The following ARNT variants were observed in gnomAD, a reference collection of about 807,000 sequenced individuals.
The protein encoded by ARNT is aryl hydrocarbon receptor nuclear translocator, also known as class E basic helix-loop-helix protein 2.
Under a neutral mutation model 105.0 loss-of-function variants are expected in ARNT, and 30 were observed. The ratio of observed to expected loss-of-function variants is 0.29; its 90% confidence interval spans 0.21 to 0.39. The LOEUF (loss-of-function observed/expected upper bound fraction) is 0.39, where lower values mean the gene tolerates loss of function less well. ARNT is among the 10% of genes least tolerant of loss of function. The probability of loss-of-function intolerance (pLI) is 1.00; values close to 1 mark genes in which losing one functional copy is unlikely to be tolerated. For synonymous variants in ARNT, 304 were observed against 344.0 expected (o/e 0.88, Z 1.29); for missense variants, 748 against 978.7 (o/e 0.76, Z 3.15).
intron 1 of ARNT, among the ~76,000 whole-genome samples, chr1:150,863,172 A>G (rs1032187771): frequency 9.2e-5 from 14 of 151,756 alleles, no homozygotes; most frequent in African/African-American, 3.1e-4. Flanking sequence ...GACCAGCCTG[A>G]CCAACACGGC....
At position 150,810,926 on chromosome 1, in the gene ARNT, T is replaced by C. The variant is rs1452183994; in HGVS notation, c.*1095A>G. Reference sequence around the variant, plus strand: ...TGAGTATGGGATGAAAGAGGCTACTTTGCAAGAGGGCTTCGTATTTGGTTT... The same window carrying C: ...TGAGTATGGGATGAAAGAGGCTACTCTGCAAGAGGGCTTCGTATTTGGTTT... On this transcript the variant is annotated 3_prime_UTR_variant, in exon 22 of 22. Coordinates refer to ENST00000358595, the MANE Select transcript of ARNT (RefSeq NM_001668.4). The C allele has an allele frequency of 8.8e-6, 2 of 227,488 alleles. No individual in the cohort carries two copies. The highest frequency in any genetic ancestry group is 4.4e-5 in the African/African-American group (2 of 44,994). 14.1% of individuals were successfully genotyped at this position (227,488 alleles called of 1,614,324 possible).
chr1:150,861,889 T>C (rs587720614), intron 1 of ARNT, among the ~76,000 whole-genome samples: 41 of 152,330 alleles, frequency 2.7e-4, no homozygotes, highest in African/African-American at 9.4e-4. Flanking sequence ...TATTATAAAG[T>C]AGAATTTAAG....
intron 7 of ARNT, 120 bp downstream of exon 7, chr1:150,836,160 G>A (rs587768944): frequency 5.6e-6 from 5 of 884,988 alleles, no homozygotes; most frequent in Non-Finnish European, 8.5e-6. Context: ...CATTAAAGTA[G>A]AAAATTCTTG....
intron 10 of ARNT, among the ~76,000 whole-genome samples, chr1:150,830,782 CCT>C (rs1553209744): frequency 1.2e-4 from 18 of 152,248 alleles, no homozygotes; most frequent in South Asian, 2.1e-4. Flanking sequence ...GCATTTCTCC[CCT>C]GTTTTTTGCA....
chr1:150,817,555 C>A, intron 15 of ARNT, 122 bp from the exon 16 acceptor site: 1 of 926,250 alleles, frequency 1.1e-6, no homozygotes, highest in Admixed American at 2.4e-5. Context: ...TGCCTGTAAT[C>A]CCAACACTTT....
rs1244283293 is a variant in ARNT, at chr1:150,832,391, C to T, written c.812G>A (p.Ser271Asn). Reference sequence around the variant, plus strand: ...CACAGAAACTGGGTCCACAGAGCTACTGCCACACCTGTTTCAAGGAATAAA... The same window carrying T: ...CACAGAAACTGGGTCCACAGAGCTATTGCCACACCTGTTTCAAGGAATAAA... ...RSFICRMRCG[S>N]SSVDPVSVNR... Residue 271 changes from serine to asparagine, a missense_variant, in exon 9 of 22, where the codon AGT becomes AAT. By Grantham distance (46) the Ser-to-Asn change is conservative. Coordinates refer to ENST00000358595, the MANE Select transcript of ARNT (RefSeq NM_001668.4). 4 of 1,614,146 alleles carry T rather than the reference C, an allele frequency of 2.5e-6. No individual in the cohort carries two copies. Among genetic ancestry groups the T allele is most frequent in the East Asian group, 2.2e-5 (1 of 44,884 alleles).
At chr1:150,823,137 T>A in intron 14 of ARNT, 57 bp downstream of exon 14, 1 of 1,418,190 alleles carries the variant, frequency 7.1e-7, no homozygotes, top group Non-Finnish European at 9.4e-7. Context: ...TCAGAAGTGT[T>A]TTCTGTTGTG....
At chr1:150,851,331 G>A (rs1205425958) in intron 3 of ARNT, among the ~76,000 whole-genome samples, 2 of 151,886 alleles carry the variant, frequency 1.3e-5, no homozygotes, top group Admixed American at 6.6e-5. Flanking sequence ...GAGCCCCTCT[G>A]CCCGGCCGCC....
intron 2 of ARNT, chr1:150,853,027 TC>T: frequency 1.8e-6 from 1 of 554,808 alleles, no homozygotes. Context: ...ACGCCTGTAA[TC>T]CCAGCACTTT....
chr1:150,871,108 A>T (rs1020176190), intron 1 of ARNT, among the ~76,000 whole-genome samples: 1 of 152,108 alleles, frequency 6.6e-6, no homozygotes, highest in Non-Finnish European at 1.5e-5. Flanking sequence ...GTTGCTACAG[A>T]CTAGACATAA....
chr1:150,836,061 A>T (rs1289166040), intron 7 of ARNT, among the ~76,000 whole-genome samples: 1 of 152,216 alleles, frequency 6.6e-6, no homozygotes, highest in Non-Finnish European at 1.5e-5. Context: ...TATTAAGATA[A>T]ATGTAAAATA....
intron 6 of ARNT, among the ~76,000 whole-genome samples, chr1:150,836,875 TACAA>T (rs1014691347): frequency 4.6e-5 from 7 of 151,994 alleles, no homozygotes; most frequent in African/African-American, 1.5e-4. Context: ...ACTCCATCTT[TACAA>T]ACAAACAAAA....
intron 12 of ARNT, among the ~76,000 whole-genome samples, chr1:150,826,912 G>A (rs1047549603): frequency 5.3e-5 from 8 of 151,950 alleles, no homozygotes; most frequent in South Asian, 2.1e-4. Flanking sequence ...CTCCCAAAGC[G>A]CTGGGATTAC....
chr1:150,865,603 C>G lies in ARNT; in HGVS notation c.26-7143G>C, dbSNP rs145179927. ...TTCCTTCTAACCAAGGCAACTACCCCTCTCCATTCTGTCAAAAGACAGATT... is the reference window on the plus strand; with the variant it reads ...TTCCTTCTAACCAAGGCAACTACCCGTCTCCATTCTGTCAAAAGACAGATT... On this transcript the variant is annotated intron_variant, in intron 1 of 21. Coordinates refer to ENST00000358595, the MANE Select transcript of ARNT (RefSeq NM_001668.4). Among the ~76,000 whole-genome samples the G allele has an allele frequency of 9.2e-5, 14 of 152,270 alleles. 1 individual carries two copies. In the East Asian group the frequency reaches 2.5e-3, roughly 27 times the overall value.
In ARNT at chr1:150,853,780, C is replaced by A. The variant is rs764604068; in HGVS notation, c.138-974G>T. On this transcript the variant is annotated intron_variant, in intron 2 of 21. Transcript: ENST00000358595. Reference sequence around the variant, plus strand: ...ATTCAGGGAAAGAAGAAGTGAATTTCTTTAAAGGAGATTAGGAAAGATTAT... The same window carrying A: ...ATTCAGGGAAAGAAGAAGTGAATTTATTTAAAGGAGATTAGGAAAGATTAT... Among the ~76,000 whole-genome samples, 205 of 152,170 alleles carry A rather than the reference C, an allele frequency of 1.3e-3. 1 individual carries two copies. Among genetic ancestry groups the A allele is most frequent in the Non-Finnish European group, 1.7e-3 (119 of 68,028 alleles).
intron 1 of ARNT, among the ~76,000 whole-genome samples, chr1:150,858,670 C>T (rs1003083111): frequency 1.2e-4 from 18 of 147,600 alleles, no homozygotes; most frequent in African/African-American, 4.3e-4. Context: ...GGCTAGAGTG[C>T]ACTGGTATAA....
In ARNT at chr1:150,853,260, G is replaced by A. The variant is rs1056192721; in HGVS notation, c.138-454C>T. 5.1e-5 allele frequency: 19 copies of A among 370,544 alleles called. No individual in the cohort carries two copies. The Admixed American group carries it at 5.4e-4, about 10-fold the overall frequency. 23.0% of individuals were successfully genotyped at this position (370,544 alleles called of 1,614,324 possible). A position where few individuals can be genotyped will look rare whatever the true frequency, so the allele number is the denominator to read the frequency against. On this transcript the variant is annotated intron_variant, in intron 2 of 21. Transcript: ENST00000358595. Reference sequence around the variant, plus strand: ...CGCACCATTGCACTCAAGCCTGGGCGACAACTGCAAGACTCCATCTCAAAA... The same window carrying A: ...CGCACCATTGCACTCAAGCCTGGGCAACAACTGCAAGACTCCATCTCAAAA...
At chr1:150,831,484 G>T in intron 10 of ARNT, 1 of 209,286 alleles carries the variant, frequency 4.8e-6, no homozygotes, top group Non-Finnish European at 9.4e-6. Flanking sequence ...TCCTACTTTA[G>T]AAATCTTTCT....
At chr1:150,836,020 G>A (rs1660265242) in intron 7 of ARNT, among the ~76,000 whole-genome samples, 1 of 151,856 alleles carries the variant, frequency 6.6e-6, no homozygotes, top group Non-Finnish European at 1.5e-5. Flanking sequence ...AAGTATTGTA[G>A]GTTTGGCTTT....
Sources: allele counts gnomAD v4.1 joint callset (sites outside exome capture counted in the v4.1 genomes callset), GRCh38; gene constraint gnomAD v4.1.1; transcripts MANE v1.5; gene names NCBI Gene and HGNC (gene_info 2026-07-23, HGNC 2026-07-21).